The following TLE1 variants were observed in gnomAD, a reference collection of about 807,000 sequenced individuals.
TLE1 encodes TLE family member 1, transcriptional corepressor, also known as transducin-like enhancer protein 1.
A neutral mutation model predicts 89.8 loss-of-function variants in TLE1; 21 were observed. The ratio of observed to expected loss-of-function variants is 0.23; its 90% confidence interval spans 0.17 to 0.34. The LOEUF (loss-of-function observed/expected upper bound fraction) is 0.34, where lower values mean the gene tolerates loss of function less well. Among genes scored for constraint, TLE1 ranks in the 10% least tolerant of loss-of-function variants. The pLI is 1.00. For synonymous variants in TLE1, 447 were observed against 407.6 expected (o/e 1.10, Z -1.16); for missense variants, 795 against 1,031.2 (o/e 0.77, Z 3.14).
At chr9:81,633,324 T>TGTGTGTGTGTGTGC in intron 8 of TLE1, 24 bp downstream of exon 8, 1 of 1,607,062 alleles carries the variant, frequency 6.2e-7, no homozygotes, top group South Asian at 1.1e-5. Context: ...TGTGTGTGTG[T>TGTGTGTGTGTGTGC]GCAGCAGGCG....
At chr9:81,594,479 C>A (rs11139334) in intron 14 of TLE1, among the ~76,000 whole-genome samples, 11,200 of 151,426 alleles carry the variant, frequency 0.074, 939 homozygotes, top group African/African-American at 0.19. Flanking sequence ...GGGAGTTGGA[C>A]AATGAGAACA....
intron 4 of TLE1, among the ~76,000 whole-genome samples, chr9:81,677,382 G>C (rs1056043029): frequency 1.3e-5 from 2 of 152,008 alleles, no homozygotes; most frequent in African/African-American, 4.8e-5. Flanking sequence ...TGGCTAACAT[G>C]ATGAAATCCT....
At chr9:81,675,372 G>A (rs888441704) in intron 4 of TLE1, among the ~76,000 whole-genome samples, 2 of 152,122 alleles carry the variant, frequency 1.3e-5, no homozygotes, top group African/African-American at 4.8e-5. Context: ...AAGAAATCTG[G>A]TGACAAGTCA....
At chr9:81,613,912 T>C (rs996945443) in intron 11 of TLE1, among the ~76,000 whole-genome samples, 4 of 146,428 alleles carry the variant, frequency 2.7e-5, no homozygotes, top group Admixed American at 6.8e-5. Context: ...TTTTCTTTTT[T>C]TTTTTTTTTT....
intron 12 of TLE1, among the ~76,000 whole-genome samples, chr9:81,613,057 G>C (rs924951059): frequency 6.6e-6 from 1 of 151,286 alleles, no homozygotes; most frequent in African/African-American, 2.4e-5. Context: ...CAAGACTTTC[G>C]TCTCAAAGCC....
chr9:81,617,133 C>CAAAAAAAA (rs56692367), intron 9 of TLE1, among the ~76,000 whole-genome samples: 1 of 124,188 alleles, frequency 8.1e-6, no homozygotes, highest in Non-Finnish European at 1.8e-5. Context: ...CTAGTTAATG[C>CAAAAAAAA]AAAAAAAAAA....
intron 1 of TLE1, among the ~76,000 whole-genome samples, chr9:81,687,770 G>C (rs989079990): frequency 6.6e-6 from 1 of 152,088 alleles, no homozygotes; most frequent in Non-Finnish European, 1.5e-5. Context: ...CCCCACGGCG[G>C]CGATAATGAC....
chr9:81,587,638 G>A (rs1338030308), intron 17 of TLE1, 43 bp downstream of exon 17: 1 of 1,568,550 alleles, frequency 6.4e-7, no homozygotes, highest in Non-Finnish European at 8.6e-7. Flanking sequence ...ACACACCCCA[G>A]CCACCTCCCA....
At chr9:81,646,922 C>G (rs562783294) in intron 6 of TLE1, among the ~76,000 whole-genome samples, 3 of 152,230 alleles carry the variant, frequency 2.0e-5, no homozygotes, top group South Asian at 4.1e-4. Context: ...TAAACAGATT[C>G]CCATATAAGC....
At chr9:81,628,930 C>T (rs1243298230) in intron 8 of TLE1, among the ~76,000 whole-genome samples, 6 of 152,128 alleles carry the variant, frequency 3.9e-5, no homozygotes, top group African/African-American at 1.4e-4. Context: ...AGAGCACGGA[C>T]CCACCCAGTC....
rs897377370 is a variant in TLE1, at chr9:81,593,250, T to C, written c.1356A>G (p.Ala452=). 1.9e-6 allele frequency: 3 copies of C among 1,613,706 alleles called. No homozygotes were observed. The highest frequency in any genetic ancestry group is 2.7e-5 in the African/African-American group (2 of 74,920). ...AAGGGACAGGCTGCATCTGACCGTC[T>C]GCAGTAACGTGGAAGGAGTATGCAC... ...GKPAYSFHVT[A]DGQMQPVPFP... The change falls in exon 15 of 20, where the codon GCA becomes GCG. Residue 452 remains alanine (A), a synonymous_variant. Transcript: ENST00000376499.
Position 81,658,160 on chromosome 9 carries a change from C to T in TLE1, c.235-4124G>A, listed in dbSNP as rs552973741. 3.3e-5 allele frequency among the ~76,000 whole-genome samples: 5 copies of T among 152,036 alleles called. No homozygotes were observed. The South Asian group carries it at 6.2e-4, about 19-fold the overall frequency. ...CTCCTGACCTCAAGTGATCCACCTG[C>T]CTCAGCCTCCCAAAGTGCTAGGATT... On this transcript the variant is annotated intron_variant, in intron 4 of 19. Transcript: ENST00000376499.
At chr9:81,659,551 G>A (rs931555713) in intron 4 of TLE1, among the ~76,000 whole-genome samples, 2 of 152,170 alleles carry the variant, frequency 1.3e-5, no homozygotes, top group Non-Finnish European at 2.9e-5. Context: ...GAAGGCTCCA[G>A]CAACAAGACT....
chr9:81,642,631 T>C (rs1011667068), intron 6 of TLE1, among the ~76,000 whole-genome samples: 1 of 151,576 alleles, frequency 6.6e-6, no homozygotes, highest in South Asian at 2.1e-4. Context: ...GAGATAGAGG[T>C]TGCAGTGAGC....
intron 4 of TLE1, among the ~76,000 whole-genome samples, chr9:81,656,483 C>T (rs1262157290): frequency 6.6e-6 from 1 of 152,166 alleles, no homozygotes. Context: ...CACATGCACA[C>T]AGATACATAT....
intron 11 of TLE1, among the ~76,000 whole-genome samples, chr9:81,615,520 A>C (rs1042935393): frequency 6.8e-6 from 1 of 146,334 alleles, no homozygotes; most frequent in Admixed American, 6.9e-5. Context: ...CAAACATGGC[A>C]AAACCCCATC....
intron 14 of TLE1, among the ~76,000 whole-genome samples, chr9:81,600,418 A>AGG (rs1830755927): frequency 6.6e-6 from 1 of 152,140 alleles, no homozygotes; most frequent in African/African-American, 2.4e-5. Flanking sequence ...CTGAGGCAGG[A>AGG]GGATCCCCTG....
chr9:81,654,561 T>C (rs1477452573), intron 4 of TLE1, among the ~76,000 whole-genome samples: 1 of 152,208 alleles, frequency 6.6e-6, no homozygotes, highest in African/African-American at 2.4e-5. Context: ...CAGGATGGTC[T>C]CGATCTCCTG....
chr9:81,597,819 A>T (rs1830429865), intron 14 of TLE1, among the ~76,000 whole-genome samples: 2 of 152,240 alleles, frequency 1.3e-5, no homozygotes. Context: ...AACTAAAAGC[A>T]AAGAGTCCCC....
Sources: gnomAD v4.1 joint callset for allele counts (sites outside exome capture counted in the v4.1 genomes callset) on GRCh38, gnomAD v4.1.1 for gene constraint, MANE v1.5 for transcripts, NCBI Gene and HGNC (gene_info 2026-07-23, HGNC 2026-07-21) for gene names.